Variants in NTM observed in about 807,000 individuals in gnomAD.
NTM encodes IgLON family member 2.
Under a neutral mutation model 42.1 loss-of-function variants are expected in NTM, and 13 were observed. The observed-to-expected ratio is 0.31, with a 90% CI of 0.20 to 0.49. NTM has a LOEUF of 0.49. NTM is among the 20% of genes least tolerant of loss of function. The pLI, the probability that NTM is intolerant of heterozygous loss-of-function variation, is 0.99. For missense variants in NTM, 373 were observed against 452.8 expected (o/e 0.82, Z 1.60); for synonymous variants, 187 against 179.2 (o/e 1.04, Z -0.35).
chr11:131,558,795 C>T (rs963834628), intron 1 of NTM, among the ~76,000 whole-genome samples: 16 of 152,146 alleles, frequency 1.1e-4, no homozygotes, highest in African/African-American at 2.9e-4. Context: ...CCCCTACCCT[C>T]GCTGGATCTC....
At chr11:131,942,406 A>G (rs2059891985) in intron 2 of NTM, among the ~76,000 whole-genome samples, 3 of 152,110 alleles carry the variant, frequency 2.0e-5, no homozygotes, top group Admixed American at 6.5e-5. Flanking sequence ...AGAGGAGAGT[A>G]GAGAGTGATG....
chr11:131,667,871 C>T (rs2069357874), intron 1 of NTM, among the ~76,000 whole-genome samples: 1 of 152,180 alleles, frequency 6.6e-6, no homozygotes, highest in Non-Finnish European at 1.5e-5. Flanking sequence ...GGATTGGGAC[C>T]CACTGCCTGG....
chr11:131,774,002 C>T lies in NTM; in HGVS notation c.83-137562C>T, dbSNP rs1299862270. On this transcript the variant is annotated intron_variant, in intron 1 of 8. Transcript: ENST00000683400. ...ACCTCCAATTCCTGACATCTTCCGT[C>T]GTCTCATTTTTAAACAAAATAGTCA... The T allele has an allele frequency of 1.5e-5, 15 of 984,088 alleles. No individual in the cohort carries two copies. In the South Asian group the frequency reaches 4.2e-4, roughly 28 times the overall value. The allele number at this position is 984,088 out of a possible 1,614,324, so 61.0% of individuals were successfully genotyped here.
At chr11:131,746,307 C>A (rs1300746855) in intron 1 of NTM, among the ~76,000 whole-genome samples, 1 of 152,056 alleles carries the variant, frequency 6.6e-6, no homozygotes, top group African/African-American at 2.4e-5. Context: ...TACATGCTGG[C>A]GGGATTTGGA....
chr11:131,779,938 G>A (rs1314453876), intron 1 of NTM, among the ~76,000 whole-genome samples: 1 of 152,148 alleles, frequency 6.6e-6, no homozygotes, highest in Non-Finnish European at 1.5e-5. Context: ...AACAGCACGG[G>A]TGTCACCAGG....
At chr11:131,447,880 G>C (rs1403445737) in intron 1 of NTM, among the ~76,000 whole-genome samples, 1 of 152,218 alleles carries the variant, frequency 6.6e-6, no homozygotes, top group Non-Finnish European at 1.5e-5. Flanking sequence ...GCTCCCGTTT[G>C]GGGCAGGTCT....
intron 1 of NTM, among the ~76,000 whole-genome samples, chr11:131,574,078 G>T (rs2057708940): frequency 6.6e-6 from 1 of 152,186 alleles, no homozygotes; most frequent in African/African-American, 2.4e-5. Flanking sequence ...GGCTGTGCAG[G>T]TGTGGGAGCT....
intron 1 of NTM, among the ~76,000 whole-genome samples, chr11:131,634,464 T>A (rs1408032392): frequency 6.6e-6 from 1 of 151,996 alleles, no homozygotes; most frequent in East Asian, 1.9e-4. Flanking sequence ...AAAATAAAGC[T>A]CTCTTCTAAG....
intron 2 of NTM, among the ~76,000 whole-genome samples, chr11:132,041,568 T>C (rs1413459822): frequency 6.6e-6 from 1 of 152,220 alleles, no homozygotes; most frequent in Non-Finnish European, 1.5e-5. Context: ...TTCCCCAAGA[T>C]ATATTTCTGT....
chr11:132,199,996 G>A (rs987389087), intron 3 of NTM, among the ~76,000 whole-genome samples: 4 of 152,144 alleles, frequency 2.6e-5, no homozygotes, highest in Admixed American at 6.5e-5. Flanking sequence ...TGCCTCACTC[G>A]CTCCAGCACT....
chr11:132,114,057 A>G (rs1421751616), intron 2 of NTM, among the ~76,000 whole-genome samples: 2 of 152,178 alleles, frequency 1.3e-5, no homozygotes, highest in East Asian at 3.9e-4. Context: ...ATCATCAACA[A>G]ATTTTTCTCT....
chr11:131,463,331 C>T (rs1334915945), intron 1 of NTM, among the ~76,000 whole-genome samples: 2 of 152,184 alleles, frequency 1.3e-5, no homozygotes, highest in African/African-American at 4.8e-5. Context: ...CCAGGAGGTC[C>T]TAGACCACAG....
intron 4 of NTM, among the ~76,000 whole-genome samples, chr11:132,287,324 A>G (rs1044001425): frequency 1.3e-5 from 2 of 152,188 alleles, no homozygotes; most frequent in Non-Finnish European, 2.9e-5. Flanking sequence ...TATGTATAGA[A>G]TGAATAATGG....
At chr11:132,136,464 T>G (rs1246959153) in intron 2 of NTM, among the ~76,000 whole-genome samples, 2 of 152,170 alleles carry the variant, frequency 1.3e-5, no homozygotes, top group Non-Finnish European at 1.5e-5. Flanking sequence ...CTGTGAACTG[T>G]GGGGTTTGGA....
intron 1 of NTM, among the ~76,000 whole-genome samples, chr11:131,733,167 C>T (rs2079917846): frequency 6.6e-6 from 1 of 151,986 alleles, no homozygotes; most frequent in South Asian, 2.1e-4. Context: ...CAAATATTAA[C>T]CAAATATTTA....
At chr11:131,706,758 G>A (rs1017143268) in intron 1 of NTM, among the ~76,000 whole-genome samples, 1 of 151,848 alleles carries the variant, frequency 6.6e-6, no homozygotes, top group African/African-American at 2.4e-5. Context: ...AGAAATAAAA[G>A]GGAAAATTTT....
intron 3 of NTM, among the ~76,000 whole-genome samples, chr11:132,161,363 C>A (rs1350674573): frequency 1.6e-5 from 2 of 124,928 alleles, no homozygotes; most frequent in African/African-American, 3.1e-5. Context: ...TTTGGTCTTT[C>A]GAGCAGCTTT....
At chr11:131,954,610 A>T (rs954395996) in intron 2 of NTM, among the ~76,000 whole-genome samples, 7 of 148,480 alleles carry the variant, frequency 4.7e-5, no homozygotes, top group Admixed American at 3.4e-4. Flanking sequence ...GTGTACACTC[A>T]ATCAAATTTT....
At chr11:132,253,467 A>C (rs3133898) in intron 4 of NTM, among the ~76,000 whole-genome samples, 72,611 of 152,040 alleles carry the variant, frequency 0.48, 17,760 homozygotes, top group African/African-American at 0.55. Flanking sequence ...AAAAACAGAG[A>C]AGAATGATTT....
Sources: gnomAD v4.1 joint callset for allele counts (sites outside exome capture counted in the v4.1 genomes callset) on GRCh38, gnomAD v4.1.1 for gene constraint, MANE v1.5 for transcripts, NCBI Gene and HGNC (gene_info 2026-07-23, HGNC 2026-07-21) for gene names.